The following TBCE variants were observed in gnomAD, a reference collection of about 807,000 sequenced individuals.
TBCE encodes the protein tubulin folding cofactor E, also known as tubulin-specific chaperone E.
Under a neutral mutation model 77.0 loss-of-function variants are expected in TBCE, and 53 were observed. That is an observed-to-expected ratio of 0.69 (90% confidence interval 0.55 to 0.87). TBCE has a LOEUF of 0.87. TBCE is among the 40% of genes least tolerant of loss of function. TBCE has a pLI of 0.00. For synonymous variants in TBCE, 235 were observed against 241.3 expected (o/e 0.97, Z 0.24); for missense variants, 624 against 622.4 (o/e 1.00, Z -0.03).
intron 2 of TBCE, among the ~76,000 whole-genome samples, chr1:235,384,763 C>T (rs1411583265): frequency 6.6e-6 from 1 of 152,114 alleles, no homozygotes; most frequent in Non-Finnish European, 1.5e-5. Flanking sequence ...TTTCAAAAAA[C>T]CAGCTCCTGG....
chr1:235,433,194 C>A, intron 7 of TBCE: 1 of 1,306,520 alleles, frequency 7.7e-7, no homozygotes, highest in East Asian at 3.1e-5. Flanking sequence ...ATTCCATTCT[C>A]TAATTGGCCA....
At chr1:235,373,939 G>A (rs1234679849) in intron 1 of TBCE, among the ~76,000 whole-genome samples, 2 of 143,210 alleles carry the variant, frequency 1.4e-5, no homozygotes, top group Non-Finnish European at 3.0e-5. Context: ...GTGAGCCACC[G>A]CACCCAGACT....
At chr1:235,368,942 C>A (rs951515403) in intron 1 of TBCE, among the ~76,000 whole-genome samples, 1 of 152,042 alleles carries the variant, frequency 6.6e-6, no homozygotes, top group Non-Finnish European at 1.5e-5. Flanking sequence ...AGATGAAAAT[C>A]TTTGGTATCA....
intron 2 of TBCE, among the ~76,000 whole-genome samples, chr1:235,390,534 C>T (rs1678314166): frequency 6.6e-6 from 1 of 151,940 alleles, no homozygotes; most frequent in South Asian, 2.1e-4. Context: ...GATGGATCAC[C>T]TGAGGTCAGG....
intron 15 of TBCE, chr1:235,443,114 C>T (rs1473866551): frequency 3.4e-6 from 2 of 593,456 alleles, no homozygotes; most frequent in Non-Finnish European, 6.0e-6. Context: ...TCTCCCCTAA[C>T]TTTATCAGCT....
intron 2 of TBCE, among the ~76,000 whole-genome samples, chr1:235,383,444 A>G (rs959946612): frequency 6.5e-4 from 99 of 152,276 alleles, no homozygotes; most frequent in Admixed American, 1.8e-3. Flanking sequence ...CTTCCTACCC[A>G]TGAGCATGGA....
At position 235,437,391 on chromosome 1, in the gene TBCE, A is replaced by G; in HGVS notation, c.1033A>G (p.Thr345Ala). The G allele has an allele frequency of 6.2e-7, 1 of 1,614,186 alleles. No individual in the cohort carries two copies. Among genetic ancestry groups the G allele is most frequent in the Non-Finnish European group, 8.5e-7 (1 of 1,180,042 alleles). Residue 345 changes from threonine (T) to alanine (A), a missense_variant, in exon 12 of 17, where the codon ACC becomes GCC. Coordinates refer to ENST00000642610, the MANE Select transcript of TBCE (RefSeq NM_003193.5). ...TTTGTCCTGCCTAAGAAACCCCCTG[A>G]CCAAAGAGGACAAAGAAGCAGAGAC... Reference protein sequence around the residue: ...RALSCLRNPLTKEDKEAETAR... With the variant: ...RALSCLRNPLAKEDKEAETAR...
At chr1:235,419,281 T>G in intron 4 of TBCE, 192 bp from the exon 5 acceptor site, 1 of 784,558 alleles carries the variant, frequency 1.3e-6, no homozygotes, top group South Asian at 1.7e-5. Context: ...AGGACTTCAG[T>G]TGCATTTGTA....
intron 2 of TBCE, among the ~76,000 whole-genome samples, chr1:235,399,508 C>A (rs1173447779): frequency 1.6e-5 from 2 of 121,632 alleles, no homozygotes; most frequent in Non-Finnish European, 1.8e-5. Context: ...GGAGAGGCTC[C>A]CACCCCTCTA....
At chr1:235,442,755 A>G in intron 14 of TBCE, 97 bp from the exon 15 acceptor site, 2 of 1,143,270 alleles carry the variant, frequency 1.7e-6, no homozygotes, top group Non-Finnish European at 2.6e-6. Flanking sequence ...TTTGCACTGA[A>G]TACCTCTATC....
chr1:235,437,497 G>T, intron 12 of TBCE, 23 bp downstream of exon 12: 1 of 1,612,906 alleles, frequency 6.2e-7, no homozygotes, highest in Non-Finnish European at 8.5e-7. Flanking sequence ...GTCATGACTA[G>T]ATATTTTTTA....
At chr1:235,396,935 T>C (rs1244842380) in intron 2 of TBCE, among the ~76,000 whole-genome samples, 1 of 151,414 alleles carries the variant, frequency 6.6e-6, no homozygotes, top group Non-Finnish European at 1.5e-5. Flanking sequence ...CTGTGAGTTG[T>C]CTCTTCACTT....
chr1:235,385,718 T>C (rs1046790257), intron 2 of TBCE, among the ~76,000 whole-genome samples: 11 of 152,306 alleles, frequency 7.2e-5, no homozygotes, highest in African/African-American at 2.6e-4. Context: ...TGTCTCTGCC[T>C]GTGAGATGGG....
rs112104802 is a variant in TBCE, at chr1:235,426,919, T to C, written c.461-221T>C. Among the ~76,000 whole-genome samples the C allele has an allele frequency of 8.4e-3, 1,280 of 152,340 alleles. 15 individuals carry two copies. Among genetic ancestry groups the C allele is most frequent in the African/African-American group, 0.03 (1,234 of 41,572 alleles). On this transcript the variant is annotated intron_variant, in intron 5 of 16. Coordinates refer to ENST00000642610, the MANE Select transcript of TBCE (RefSeq NM_003193.5). ...CCTTGGCATCCCAAAGTGCCGGGAT[T>C]ACAGGCGTGAGCCACCGCGCCTGGC...
At chr1:235,392,400 A>ATT (rs557817776) in intron 2 of TBCE, among the ~76,000 whole-genome samples, 16 of 54,024 alleles carry the variant, frequency 3.0e-4, no homozygotes, top group Admixed American at 5.2e-4. Flanking sequence ...GCTGAACAGA[A>ATT]TTTTTTTTTT....
intron 6 of TBCE, among the ~76,000 whole-genome samples, chr1:235,428,197 A>G (rs150686096): frequency 0.023 from 3,434 of 151,924 alleles, 133 homozygotes; most frequent in African/African-American, 0.078. Flanking sequence ...GGTGGTGGGC[A>G]CCTGTAGTCC....
chr1:235,408,734 TCTC>T (rs1679608857), intron 3 of TBCE, among the ~76,000 whole-genome samples: 1 of 152,118 alleles, frequency 6.6e-6, no homozygotes, highest in Admixed American at 6.6e-5. Context: ...AAAGCTGAGT[TCTC>T]CTCTCCTGAT....
intron 8 of TBCE, among the ~76,000 whole-genome samples, chr1:235,434,624 C>T (rs934463870): frequency 1.5e-4 from 22 of 151,530 alleles, no homozygotes; most frequent in Admixed American, 4.0e-4. Flanking sequence ...GTAACCTCCG[C>T]CTCCTGAGTT....
intron 3 of TBCE, among the ~76,000 whole-genome samples, chr1:235,405,107 C>A (rs535916076): frequency 1.3e-5 from 2 of 151,706 alleles, no homozygotes; most frequent in Non-Finnish European, 2.9e-5. Flanking sequence ...GGACTACAGG[C>A]GCATGTCACC....
Sources: gnomAD v4.1 joint callset for allele counts (sites outside exome capture counted in the v4.1 genomes callset) on GRCh38, gnomAD v4.1.1 for gene constraint, MANE v1.5 for transcripts, NCBI Gene and HGNC (gene_info 2026-07-23, HGNC 2026-07-21) for gene names.